The following NLN variants were observed in gnomAD, a reference collection of about 807,000 sequenced individuals.
NLN encodes the protein neurolysin, mitochondrial.
NLN carries 64 observed loss-of-function variants against 79.9 expected under a neutral mutation model. That is an observed-to-expected ratio of 0.80 (90% CI 0.65 to 0.99). NLN has a LOEUF of 0.99. Ranked by LOEUF, NLN falls within the 50% of genes least tolerant of loss-of-function variation. The pLI, the probability that NLN is intolerant of heterozygous loss-of-function variation, is 0.00. For synonymous variants in NLN, 267 were observed against 296.6 expected, an observed-to-expected ratio of 0.90 and a Z score of 1.02; for missense variants, 835 against 858.7, an observed-to-expected ratio of 0.97 and a Z score of 0.34.
At chr5:65,780,626 G>A (rs1368096808) in intron 5 of NLN, among the ~76,000 whole-genome samples, 1 of 150,718 alleles carries the variant, frequency 6.6e-6, no homozygotes, top group Non-Finnish European at 1.5e-5. Flanking sequence ...TTCCTGCATT[G>A]TATCTTAAAC....
rs530728092 is a variant in NLN, at chr5:65,803,807, G to C, written c.1528-5708G>C. On this transcript the variant is annotated intron_variant, in intron 9 of 12. Coordinates refer to ENST00000380985, the MANE Select transcript of NLN (RefSeq NM_020726.5). ...GGCTCTTGCCCTGCCAACTTAGAAGGGGGAAGGACTTTTCTGCCTGTTCCT... is the reference window on the plus strand; with the variant it reads ...GGCTCTTGCCCTGCCAACTTAGAAGCGGGAAGGACTTTTCTGCCTGTTCCT... Among the ~76,000 whole-genome samples the C allele has an allele frequency of 5.3e-5, 8 of 152,250 alleles. No homozygotes were observed. In the South Asian group the frequency reaches 1.7e-3, roughly 32 times the overall value.
intron 12 of NLN, among the ~76,000 whole-genome samples, chr5:65,822,067 T>C (rs955437807): frequency 6.6e-6 from 1 of 152,212 alleles, no homozygotes; most frequent in Non-Finnish European, 1.5e-5. Context: ...AAAAGGACAG[T>C]GAAAGGGAAG....
intron 1 of NLN, among the ~76,000 whole-genome samples, chr5:65,735,351 C>G (rs1180563698): frequency 6.6e-6 from 1 of 152,212 alleles, no homozygotes; most frequent in Admixed American, 6.5e-5. Flanking sequence ...TATTGAACAC[C>G]TATTATGTTG....
At chr5:65,766,019 T>C (rs1256980552) in intron 3 of NLN, among the ~76,000 whole-genome samples, 1 of 152,190 alleles carries the variant, frequency 6.6e-6, no homozygotes, top group Non-Finnish European at 1.5e-5. Flanking sequence ...ACCCCAAACC[T>C]TAGTGGCCTG....
In NLN at chr5:65,758,697, A is replaced by G. The variant is rs1378403599; in HGVS notation, c.172A>G (p.Lys58Glu). The G allele has an allele frequency of 6.2e-7, 1 of 1,613,912 alleles. No individual in the cohort carries two copies. Among genetic ancestry groups the G allele is most frequent in the Non-Finnish European group, 8.5e-7 (1 of 1,179,884 alleles). ...ATGGGATCTTTCACCAGAGCAAATT[A>G]AAACAAGAACTGAGGAGCTCATTGT... ...LRWDLSPEQI[K>E]TRTEELIVQT... is the part of the protein sequence containing the mutation. The change falls in exon 2 of 13, where the codon AAA (lysine) becomes GAA (glutamate). Residue 58 changes from lysine to glutamate, a missense_variant. Physicochemically the swap from Lys to Glu is moderately conservative, Grantham distance 56. Transcript: ENST00000380985.
At chr5:65,798,536 A>T (rs1191310279) in intron 9 of NLN, among the ~76,000 whole-genome samples, 2 of 152,208 alleles carry the variant, frequency 1.3e-5, no homozygotes, top group Non-Finnish European at 2.9e-5. Context: ...TTGAGGTTTC[A>T]GTCCTAAAAT....
At chr5:65,724,557 A>G (rs185894422) in intron 1 of NLN, among the ~76,000 whole-genome samples, 3 of 152,180 alleles carry the variant, frequency 2.0e-5, no homozygotes, top group Admixed American at 1.3e-4. Flanking sequence ...TAATGTGCAC[A>G]TGTCTGTTTG....
intron 3 of NLN, among the ~76,000 whole-genome samples, chr5:65,772,512 G>T (rs990058062): frequency 6.6e-6 from 1 of 152,180 alleles, no homozygotes; most frequent in Non-Finnish European, 1.5e-5. Context: ...GCCCAGGAGT[G>T]CAGACAACTA....
At chr5:65,803,999 C>A (rs1231066403) in intron 9 of NLN, among the ~76,000 whole-genome samples, 1 of 152,220 alleles carries the variant, frequency 6.6e-6, no homozygotes, top group Admixed American at 6.5e-5. Flanking sequence ...TTTGAAAAAT[C>A]TTCCAGTATA....
rs1332461457 is a variant in NLN, at chr5:65,758,758, T to G, written c.233T>G (p.Leu78Arg). 4.3e-6 allele frequency: 7 copies of G among 1,613,730 alleles called. No homozygotes were observed. The highest frequency in any genetic ancestry group is 5.1e-6 in the Non-Finnish European group (6 of 1,179,716). Reference sequence around the variant, plus strand: ...CAGGTGTACGATGCTGTTGGAATGCTCGGTATTGAGGAAGTAACTTACGAG... The same window carrying G: ...CAGGTGTACGATGCTGTTGGAATGCGCGGTATTGAGGAAGTAACTTACGAG... Reference protein sequence around the residue: ...TKQVYDAVGMLGIEEVTYENC... With the variant: ...TKQVYDAVGMRGIEEVTYENC... The change falls in exon 2 of 13, where the codon CTC (leucine) becomes CGC (arginine). Residue 78 changes from leucine to arginine, a missense_variant. By Grantham distance (102) the Leu-to-Arg change is moderately radical (BLOSUM62 -2). Transcript: ENST00000380985.
intron 6 of NLN, among the ~76,000 whole-genome samples, chr5:65,781,922 A>G (rs1371758327): frequency 6.6e-6 from 1 of 152,186 alleles, no homozygotes; most frequent in Non-Finnish European, 1.5e-5. Flanking sequence ...GTAGCTTCTC[A>G]TAATCCAGCA....
At chr5:65,821,220 A>T (rs1760789839) in intron 12 of NLN, among the ~76,000 whole-genome samples, 1 of 152,064 alleles carries the variant, frequency 6.6e-6, no homozygotes, top group South Asian at 2.1e-4. Flanking sequence ...AATTGATTGA[A>T]AACTTGTAAA....
Position 65,722,278 on chromosome 5 carries a change from G to T in NLN, c.-96G>T. 1.1e-6 allele frequency: 1 copy of T among 950,402 alleles called. No homozygotes were observed. Among genetic ancestry groups the T allele is most frequent in the South Asian group, 1.8e-5 (1 of 56,678 alleles). 58.9% of individuals were successfully genotyped at this position (950,402 alleles called of 1,614,324 possible). A position where few individuals can be genotyped will look rare whatever the true frequency, so the allele number is the denominator to read the frequency against. ...CCACTGTGGCCTCTGCGGCTAGGCCGGCTCGAGACTCCCGGGCGCCCAGGC... is the reference window on the plus strand; with the variant it reads ...CCACTGTGGCCTCTGCGGCTAGGCCTGCTCGAGACTCCCGGGCGCCCAGGC... On this transcript the variant is annotated 5_prime_UTR_variant, in exon 1 of 13. Transcript: ENST00000380985.
rs1759915620 is a variant in NLN at position 65,786,113 on chromosome 5, A to G, written c.958+203A>G. 9.5e-6 allele frequency: 4 copies of G among 422,122 alleles called. No homozygotes were observed. In the South Asian group the frequency reaches 2.0e-4, roughly 21 times the overall value. The allele number at this position is 422,122 out of a possible 1,614,324, so 26.1% of individuals were successfully genotyped here. A position where few individuals can be genotyped will look rare whatever the true frequency, so the allele number is the denominator to read the frequency against. ...ATATTGCTAGTATAGGCCTGGCTTC[A>G]CTGTATCTTATATCTTCTTTAGGCT... On this transcript the variant is annotated intron_variant, in intron 7 of 12. Coordinates refer to ENST00000380985, the MANE Select transcript of NLN (RefSeq NM_020726.5).
chr5:65,807,395 A>G (rs980824644), intron 9 of NLN, among the ~76,000 whole-genome samples: 2 of 151,770 alleles, frequency 1.3e-5, no homozygotes, highest in Non-Finnish European at 2.9e-5. Flanking sequence ...ATTTTTTAAC[A>G]TATAAGGTGT....
chr5:65,734,996 C>G (rs1291041510), intron 1 of NLN, among the ~76,000 whole-genome samples: 1 of 152,188 alleles, frequency 6.6e-6, no homozygotes, highest in Non-Finnish European at 1.5e-5. Context: ...CTCCTGAGGT[C>G]TCACAGTCAG....
chr5:65,787,252 GTA>G (rs1341626270), intron 7 of NLN, among the ~76,000 whole-genome samples: 2 of 137,156 alleles, frequency 1.5e-5, no homozygotes, highest in African/African-American at 3.6e-5. Flanking sequence ...ATATATATAT[GTA>G]TGTGTGTGTG....
intron 1 of NLN, among the ~76,000 whole-genome samples, chr5:65,726,091 G>C (rs1323496334): frequency 6.9e-6 from 1 of 145,582 alleles, no homozygotes; most frequent in Non-Finnish European, 1.5e-5. Context: ...CAGCCTGGGC[G>C]ACAGAGCGAG....
chr5:65,749,757 T>A (rs1759061633), intron 1 of NLN, among the ~76,000 whole-genome samples: 1 of 152,194 alleles, frequency 6.6e-6, no homozygotes, highest in African/African-American at 2.4e-5. Context: ...AGTCAGTGAA[T>A]AAGATTAATT....
Sources: allele counts gnomAD v4.1 joint callset (sites outside exome capture counted in the v4.1 genomes callset), GRCh38; gene constraint gnomAD v4.1.1; transcripts MANE v1.5; gene names NCBI Gene and HGNC (gene_info 2026-07-23, HGNC 2026-07-21).